The following PCCA variants were observed in gnomAD, a reference collection of about 807,000 sequenced individuals.
PCCA encodes the protein propionyl-CoA carboxylase subunit alpha.
In PCCA, 74 loss-of-function variants were observed where a neutral mutation model predicts 101.3. The observed-to-expected ratio is 0.73, with a 90% CI of 0.61 to 0.89. The LOEUF is 0.89. Among genes scored for constraint, PCCA ranks in the 40% least tolerant of loss-of-function variants. PCCA has a pLI of 0.00. For missense variants in PCCA, 891 were observed against 907.0 expected, an observed-to-expected ratio of 0.98 and a Z score of 0.23; for synonymous variants, 294 against 313.6, an observed-to-expected ratio of 0.94 and a Z score of 0.66.
intron 19 of PCCA, among the ~76,000 whole-genome samples, chr13:100,417,522 T>C (rs2078453603): frequency 6.6e-6 from 1 of 152,188 alleles, no homozygotes; most frequent in Non-Finnish European, 1.5e-5. Context: ...GTTGGAGATA[T>C]GGAAGATGTA....
chr13:100,508,099 A>G (rs1244705470), intron 21 of PCCA, among the ~76,000 whole-genome samples: 2 of 152,138 alleles, frequency 1.3e-5, no homozygotes, highest in Non-Finnish European at 2.9e-5. Context: ...TGTATTATTG[A>G]CAACCCCATA....
intron 4 of PCCA, among the ~76,000 whole-genome samples, chr13:100,147,698 G>T (rs1317296407): frequency 6.6e-6 from 1 of 152,240 alleles, no homozygotes; most frequent in East Asian, 1.9e-4. Flanking sequence ...GCAAGCTAGA[G>T]CTGAGCCCAC....
intron 19 of PCCA, among the ~76,000 whole-genome samples, chr13:100,380,939 G>C (rs1369100670): frequency 1.3e-5 from 2 of 152,166 alleles, no homozygotes; most frequent in Admixed American, 1.3e-4. Context: ...CTGAATAGAC[G>C]TTTCTCCAAA....
chr13:100,334,166 G>A (rs1225955917), intron 17 of PCCA, among the ~76,000 whole-genome samples: 1 of 152,200 alleles, frequency 6.6e-6, no homozygotes, highest in Non-Finnish European at 1.5e-5. Flanking sequence ...CTTTAAGGAT[G>A]AGGTAGCATT....
intron 21 of PCCA, among the ~76,000 whole-genome samples, chr13:100,505,130 G>A (rs1346894629): frequency 6.6e-6 from 1 of 152,082 alleles, no homozygotes; most frequent in Non-Finnish European, 1.5e-5. Context: ...GTAAGAGAGG[G>A]GCTAAAATAA....
intron 11 of PCCA, among the ~76,000 whole-genome samples, chr13:100,271,688 T>G (rs1216167785): frequency 6.6e-6 from 1 of 152,218 alleles, no homozygotes; most frequent in Non-Finnish European, 1.5e-5. Flanking sequence ...ATAGAGAAAT[T>G]TGAATACCAA....
chr13:100,490,548 C>G (rs1159513862), intron 21 of PCCA: 1 of 152,220 alleles, frequency 6.6e-6, no homozygotes, highest in East Asian at 1.9e-4. Context: ...CTTTTCTAAA[C>G]ATTTTTAGTA....
intron 1 of PCCA, among the ~76,000 whole-genome samples, chr13:100,094,057 C>T (rs1009717256): frequency 9.9e-5 from 15 of 151,540 alleles, no homozygotes; most frequent in Admixed American, 3.3e-4. Flanking sequence ...GGAGAAATCC[C>T]GTCTCTACTA....
rs2080273895 is a variant in PCCA at position 100,440,266 on chromosome 13, G to A, written c.1846-8986G>A. ...CTATGTAATATAAAATATTACACAA[G>A]CACATGAATATGATGGACGAGATGT... On this transcript the variant is annotated intron_variant, in intron 20 of 23. Transcript: ENST00000376285. 2.2e-5 allele frequency among the ~76,000 whole-genome samples: 3 copies of A among 139,384 alleles called. No homozygotes were observed. The South Asian group carries it at 6.9e-4, about 32-fold the overall frequency. 91.4% of individuals were successfully genotyped at this position (139,384 alleles called of 152,430 possible).
chr13:100,400,921 G>A (rs1021016594), intron 19 of PCCA, among the ~76,000 whole-genome samples: 2 of 151,730 alleles, frequency 1.3e-5, no homozygotes, highest in Admixed American at 1.3e-4. Flanking sequence ...CCACCGGCAT[G>A]GCCTCATCTT....
chr13:100,383,800 C>A (rs2076357234), intron 19 of PCCA, among the ~76,000 whole-genome samples: 1 of 152,012 alleles, frequency 6.6e-6, no homozygotes, highest in Non-Finnish European at 1.5e-5. Context: ...CTATATTTTT[C>A]TCCTCAAAGA....
At chr13:100,398,136 G>A (rs1188298971) in intron 19 of PCCA, among the ~76,000 whole-genome samples, 2 of 152,208 alleles carry the variant, frequency 1.3e-5, no homozygotes, top group Non-Finnish European at 1.5e-5. Context: ...TGGTGAGCTT[G>A]CTGGGAGTGG....
intron 19 of PCCA, among the ~76,000 whole-genome samples, chr13:100,370,704 G>T (rs1456668749): frequency 6.6e-6 from 1 of 152,106 alleles, no homozygotes; most frequent in Non-Finnish European, 1.5e-5. Flanking sequence ...ACTTTCATTT[G>T]ACATCAGTAT....
chr13:100,221,858 CTCCCGAGTAAT>C (rs532016546), intron 7 of PCCA, among the ~76,000 whole-genome samples: 240 of 151,510 alleles, frequency 1.6e-3, no homozygotes, highest in African/African-American at 5.6e-3. Flanking sequence ...CTGCCTCAGC[CTCCCGAGTAAT>C]TGGGATTACA....
chr13:100,471,873 G>T (rs945400428), intron 21 of PCCA, among the ~76,000 whole-genome samples: 6 of 152,170 alleles, frequency 3.9e-5, no homozygotes, highest in Non-Finnish European at 7.3e-5. Flanking sequence ...GGCCCACCCG[G>T]AGCTCTGTGG....
At chr13:100,466,843 G>A (rs553774457) in intron 21 of PCCA, among the ~76,000 whole-genome samples, 2 of 151,616 alleles carry the variant, frequency 1.3e-5, no homozygotes, top group South Asian at 2.1e-4. Flanking sequence ...GGGCGATAGA[G>A]GGACAGTCCG....
At chr13:100,245,994 A>G (rs1299076715) in intron 8 of PCCA, among the ~76,000 whole-genome samples, 1 of 152,226 alleles carries the variant, frequency 6.6e-6, no homozygotes, top group African/African-American at 2.4e-5. Context: ...AATAATTTAG[A>G]GAGCTGTGAA....
chr13:100,102,870 C>T lies in PCCA; in HGVS notation c.106-13C>T, dbSNP rs1245242051. The T allele has an allele frequency of 1.2e-6, 2 of 1,601,222 alleles. No individual in the cohort carries two copies. The highest frequency in any genetic ancestry group is 1.7e-6 in the Non-Finnish European group (2 of 1,168,480). ...AAGTATTTGCAATTTATTTTGCTTT[C>T]CTTTTTTTGTAGCATGTTCTGTACT... On this transcript the variant is annotated splice_polypyrimidine_tract_variant and intron_variant, in intron 1 of 23. Transcript: ENST00000376285.
At chr13:100,210,516 G>A (rs111764010) in intron 7 of PCCA, among the ~76,000 whole-genome samples, 47 of 152,294 alleles carry the variant, frequency 3.1e-4, no homozygotes, top group Admixed American at 7.2e-4. Flanking sequence ...TGTAAGTTAG[G>A]ATCATGTTTC....
Sources: gnomAD v4.1 joint callset for allele counts (sites outside exome capture counted in the v4.1 genomes callset) on GRCh38, gnomAD v4.1.1 for gene constraint, MANE v1.5 for transcripts, NCBI Gene and HGNC (gene_info 2026-07-23, HGNC 2026-07-21) for gene names.